Variants in ENTPD1 observed in about 807,000 individuals in gnomAD.
The protein encoded by ENTPD1 is ectonucleoside triphosphate diphosphohydrolase 1.
Under a neutral mutation model 57.0 loss-of-function variants are expected in ENTPD1, and 33 were observed. That is an observed-to-expected ratio of 0.58 (90% CI 0.44 to 0.77). The LOEUF (loss-of-function observed/expected upper bound fraction) is 0.77, where lower values mean the gene tolerates loss of function less well. Ranked by LOEUF, ENTPD1 falls within the 30% of genes least tolerant of loss-of-function variation. The pLI is 0.00. For synonymous variants in ENTPD1, 202 were observed against 218.8 expected (o/e 0.92, Z 0.68); for missense variants, 501 against 603.4 (o/e 0.83, Z 1.78).
At chr10:95,710,402 T>A (rs565391804), upstream of ENTPD1, among the ~76,000 whole-genome samples, 21 of 152,164 alleles carry the variant, frequency 1.4e-4, no homozygotes, top group Middle Eastern at 3.4e-3. Flanking sequence ...CAGACTGTTT[T>A]AAAAAAAATT....
chr10:95,714,692 T>C (rs2097969545), intron 1 of ENTPD1, among the ~76,000 whole-genome samples: 1 of 152,244 alleles, frequency 6.6e-6, no homozygotes, highest in Admixed American at 6.5e-5. Context: ...TGCTATCATT[T>C]ATTTATTCAT....
chr10:95,784,492 AG>A (rs1351914581), intron 1 of ENTPD1, among the ~76,000 whole-genome samples: 1 of 152,094 alleles, frequency 6.6e-6, no homozygotes, highest in African/African-American at 2.4e-5. Context: ...TAGAGTGTGA[AG>A]GCCTGGGGAG....
At chr10:95,720,544 G>A (rs1197662369) in intron 1 of ENTPD1, among the ~76,000 whole-genome samples, 1 of 152,118 alleles carries the variant, frequency 6.6e-6, no homozygotes, top group Non-Finnish European at 1.5e-5. Context: ...AGACTGAGAA[G>A]GCCGTGCCAG....
At chr10:95,714,903 A>G (rs998673343) in intron 1 of ENTPD1, among the ~76,000 whole-genome samples, 1 of 152,218 alleles carries the variant, frequency 6.6e-6, no homozygotes, top group South Asian at 2.1e-4. Flanking sequence ...TCTTGTGAGA[A>G]TGTACATTCT....
At chr10:95,783,252 A>G (rs1487225031) in intron 1 of ENTPD1, among the ~76,000 whole-genome samples, 6 of 152,180 alleles carry the variant, frequency 3.9e-5, no homozygotes, top group Non-Finnish European at 7.3e-5. Flanking sequence ...TAGTGGGGTC[A>G]TCACTCTGTA....
At chr10:95,750,829 C>T (rs2098010966), upstream of ENTPD1, among the ~76,000 whole-genome samples, 1 of 152,070 alleles carries the variant, frequency 6.6e-6, no homozygotes, top group Non-Finnish European at 1.5e-5. Context: ...TCGAGACCAG[C>T]CTGGCCAATA....
At chr10:95,741,142 G>T (rs537093563) in intron 1 of ENTPD1, among the ~76,000 whole-genome samples, 2 of 152,308 alleles carry the variant, frequency 1.3e-5, no homozygotes, top group South Asian at 4.1e-4. Flanking sequence ...TCCTTGCTAA[G>T]CTTAATCATT....
chr10:95,853,067 G>A (rs959457327), intron 7 of ENTPD1, among the ~76,000 whole-genome samples: 2 of 152,210 alleles, frequency 1.3e-5, no homozygotes, highest in African/African-American at 4.8e-5. Context: ...CCATGAGCAT[G>A]AAATGTTCTT....
chr10:95,755,973 A>C (rs991494242), upstream of ENTPD1: 22 of 1,464,730 alleles, frequency 1.5e-5, no homozygotes, highest in Non-Finnish European at 1.6e-5. Context: ...AGGATGCAAA[A>C]AATTACAACC....
intron 1 of ENTPD1, among the ~76,000 whole-genome samples, chr10:95,761,552 G>A (rs974826799): frequency 6.6e-6 from 1 of 152,058 alleles, no homozygotes; most frequent in African/African-American, 2.4e-5. Flanking sequence ...TCTAGTCACT[G>A]GTCAGGTGTC....
chr10:95,770,442 T>C (rs1163339992), intron 1 of ENTPD1, among the ~76,000 whole-genome samples: 2 of 152,216 alleles, frequency 1.3e-5, no homozygotes, highest in African/African-American at 4.8e-5. Context: ...ACAGTGAATG[T>C]TGAAAGTTGT....
intron 2 of ENTPD1, among the ~76,000 whole-genome samples, chr10:95,828,709 A>ATT (rs5787162): frequency 0.078 from 10,316 of 132,090 alleles, 471 homozygotes; most frequent in Middle Eastern, 0.11. Context: ...GGTTATCCCC[A>ATT]TTTTTTTTTT....
intron 1 of ENTPD1, among the ~76,000 whole-genome samples, chr10:95,805,581 C>T (rs958222638): frequency 7.2e-5 from 11 of 152,098 alleles, no homozygotes; most frequent in Non-Finnish European, 1.5e-4. Flanking sequence ...GTTTCTTTCT[C>T]GTATCGATGG....
chr10:95,740,417 A>C (rs558817906), intron 1 of ENTPD1, among the ~76,000 whole-genome samples: 4 of 152,258 alleles, frequency 2.6e-5, no homozygotes, highest in African/African-American at 9.6e-5. Context: ...GAGCCACTGC[A>C]CCCGGCCCAT....
At chr10:95,836,290 T>G (rs1218022371) in intron 2 of ENTPD1, among the ~76,000 whole-genome samples, 1 of 152,218 alleles carries the variant, frequency 6.6e-6, no homozygotes, top group African/African-American at 2.4e-5. Context: ...TAGGATTGCC[T>G]TGGCTATTTG....
intron 1 of ENTPD1, among the ~76,000 whole-genome samples, chr10:95,750,198 A>C (rs932627935): frequency 6.6e-6 from 1 of 152,194 alleles, no homozygotes; most frequent in Non-Finnish European, 1.5e-5. Flanking sequence ...GGGTCAGCAC[A>C]GTGTTTGTGT....
intron 1 of ENTPD1, among the ~76,000 whole-genome samples, chr10:95,747,287 A>G (rs2098007051): frequency 6.6e-6 from 1 of 152,236 alleles, no homozygotes; most frequent in Non-Finnish European, 1.5e-5. Flanking sequence ...GACATACGTT[A>G]TGAAGAACCT....
At chr10:95,771,977 G>C (rs1345350499) in intron 1 of ENTPD1, among the ~76,000 whole-genome samples, 1 of 152,190 alleles carries the variant, frequency 6.6e-6, no homozygotes. Flanking sequence ...GTGATTAAAA[G>C]AGTAGTATGA....
intron 1 of ENTPD1, among the ~76,000 whole-genome samples, chr10:95,814,860 C>T (rs987037146): frequency 6.6e-5 from 10 of 152,064 alleles, no homozygotes; most frequent in African/African-American, 2.2e-4. Context: ...CATTCTCACC[C>T]CCACCCCTTC....
Sources: allele counts gnomAD v4.1 joint callset (sites outside exome capture counted in the v4.1 genomes callset), GRCh38; gene constraint gnomAD v4.1.1; transcripts MANE v1.5; gene names NCBI Gene and HGNC (gene_info 2026-07-23, HGNC 2026-07-21).